Variants in SLC6A20 observed in about 807,000 individuals in gnomAD.
The protein encoded by SLC6A20 is sodium- and chloride-dependent transporter XTRP3.
In SLC6A20, 73 loss-of-function variants were observed where a neutral mutation model predicts 64.3. The observed-to-expected ratio is 1.14, with a 90% CI of 0.94 to 1.38. SLC6A20 has a LOEUF of 1.38. Among genes scored for constraint, SLC6A20 ranks in the 40% most tolerant of loss-of-function variants. SLC6A20 has a pLI of 0.00. For synonymous variants in SLC6A20, 347 were observed against 329.6 expected, an observed-to-expected ratio of 1.05 and a Z score of -0.57; for missense variants, 725 against 772.8, an observed-to-expected ratio of 0.94 and a Z score of 0.73.
Position 45,758,828 on chromosome 3 carries a change from T to G in SLC6A20, c.*150A>C. The G allele has an allele frequency of 7.3e-7, 1 of 1,362,150 alleles. No individual in the cohort carries two copies. Among genetic ancestry groups the G allele is most frequent in the Non-Finnish European group, 9.5e-7 (1 of 1,054,308 alleles). The allele number at this position is 1,362,150 out of a possible 1,614,324, so 84.4% of individuals were successfully genotyped here. A position where few individuals can be genotyped will look rare whatever the true frequency, so the allele number is the denominator to read the frequency against. ...AGGGTGTGCGTTCTCCCAAGGGAGT[T>G]TTCTTCCTGCACACCTTCCTCATCT... On this transcript the variant is annotated 3_prime_UTR_variant, in exon 11 of 11. Coordinates refer to ENST00000358525, the MANE Select transcript of SLC6A20 (RefSeq NM_020208.4).
chr3:45,760,684 C>T (rs899919391), intron 9 of SLC6A20, among the ~76,000 whole-genome samples: 3 of 152,228 alleles, frequency 2.0e-5, no homozygotes, highest in Admixed American at 6.5e-5. Flanking sequence ...TTTAAACCTA[C>T]GGTTAGCAGC....
At position 45,759,870 on chromosome 3, in the gene SLC6A20, C is replaced by T. The variant is rs1261693109; in HGVS notation, c.1616G>A (p.Trp539Ter). The T allele has an allele frequency of 6.2e-7, 1 of 1,613,648 alleles. No individual in the cohort carries two copies. Among genetic ancestry groups the T allele is most frequent in the Non-Finnish European group, 8.5e-7 (1 of 1,179,762 alleles). ...ILTGTLKYQAWDASQGQLVTK... is the reference protein window; with the variant it reads ...ILTGTLKYQA ...GACAGTAGATACCTGGGAGGCGTCC[C>T]AGGCTTGATACTTCAGGGTCCCCGT... is the stretch of plus-strand genomic sequence containing the variant. Residue 539 changes from tryptophan (W) to a stop codon, truncating the protein, a stop_gained, in exon 10 of 11, where the codon TGG (tryptophan) becomes TAG (stop). Coordinates refer to ENST00000358525, the MANE Select transcript of SLC6A20 (RefSeq NM_020208.4). LOFTEE classifies it low-confidence loss of function (END_TRUNC).
At chr3:45,777,309 C>T (rs570587213) in intron 3 of SLC6A20, among the ~76,000 whole-genome samples, 8 of 151,532 alleles carry the variant, frequency 5.3e-5, no homozygotes, top group South Asian at 2.1e-4. Flanking sequence ...AGGACCTCCA[C>T]GCCCACCCCT....
intron 1 of SLC6A20, among the ~76,000 whole-genome samples, chr3:45,787,393 G>C (rs1034641960): frequency 5.3e-5 from 8 of 152,040 alleles, no homozygotes; most frequent in Non-Finnish European, 1.2e-4. Flanking sequence ...TTGCCATCTT[G>C]GACTCCTTAC....
At chr3:45,759,306 G>A (rs1699619781) in intron 10 of SLC6A20, among the ~76,000 whole-genome samples, 179 bp from the exon 11 acceptor site, 1 of 152,208 alleles carries the variant, frequency 6.6e-6, no homozygotes, top group South Asian at 2.1e-4. Context: ...GAGCCTAACT[G>A]CCCTCACCTT....
At chr3:45,777,659 G>A (rs1485115489) in intron 3 of SLC6A20, among the ~76,000 whole-genome samples, 1 of 152,222 alleles carries the variant, frequency 6.6e-6, no homozygotes, top group Admixed American at 6.5e-5. Flanking sequence ...GAGGCACGTG[G>A]AGGGAACTGA....
chr3:45,762,198 G>A (rs957325795), intron 9 of SLC6A20, among the ~76,000 whole-genome samples: 10 of 152,360 alleles, frequency 6.6e-5, no homozygotes, highest in East Asian at 1.9e-4. Context: ...TGCTGCTCCC[G>A]CTCTAGGGAC....
intron 9 of SLC6A20, among the ~76,000 whole-genome samples, chr3:45,762,577 C>T (rs2286489): frequency 0.57 from 86,277 of 152,176 alleles, 25,575 homozygotes; most frequent in Middle Eastern, 0.78. Flanking sequence ...TTGGAAAATA[C>T]TGATGTTGGC....
At chr3:45,769,020 A>T (rs1020283124) in intron 7 of SLC6A20, among the ~76,000 whole-genome samples, 4 of 152,230 alleles carry the variant, frequency 2.6e-5, no homozygotes, top group Admixed American at 2.0e-4. Flanking sequence ...GCAAATCTAT[A>T]CATAAATATG....
chr3:45,789,159 C>A (rs1471468426), intron 1 of SLC6A20, among the ~76,000 whole-genome samples: 1 of 152,112 alleles, frequency 6.6e-6, no homozygotes, highest in Non-Finnish European at 1.5e-5. Context: ...CAACAGATGA[C>A]ATTTCATTCT....
chr3:45,774,926 T>C (rs1273412097), intron 4 of SLC6A20, among the ~76,000 whole-genome samples: 1 of 152,118 alleles, frequency 6.6e-6, no homozygotes, highest in Admixed American at 6.5e-5. Context: ...AAATCTACCA[T>C]GAAAGGCTGT....
chr3:45,767,533 TA>T (rs1699796586), intron 7 of SLC6A20, among the ~76,000 whole-genome samples: 1 of 151,154 alleles, frequency 6.6e-6, no homozygotes, highest in Non-Finnish European at 1.5e-5. Flanking sequence ...ATGGGAAAAA[TA>T]AAAGAGAGGT....
At position 45,762,895 on chromosome 3, in the gene SLC6A20, G is replaced by A. The variant is rs1186531680; in HGVS notation, c.1463+18C>T. 8 of 1,612,906 alleles carry A rather than the reference G, an allele frequency of 5.0e-6. No homozygotes were observed. In the African/African-American group the frequency reaches 9.3e-5, roughly 19 times the overall value. ...GCTGTGTTTTCCCTATGCAAATGAG[G>A]GTCCTGGGCCTCCTCACCTCCTCAG... On this transcript the variant is annotated intron_variant, in intron 9 of 10. Transcript: ENST00000358525.
chr3:45,792,639 G>C (rs1700274836), intron 1 of SLC6A20, among the ~76,000 whole-genome samples: 1 of 152,174 alleles, frequency 6.6e-6, no homozygotes, highest in Non-Finnish European at 1.5e-5. Context: ...GACCTGCTGT[G>C]AATCAGTCCC....
chr3:45,775,218 G>A lies in SLC6A20; in HGVS notation c.582+543C>T, dbSNP rs377151323. Reference sequence around the variant, plus strand: ...GTGATTGGAAGCAGCTTAGAACAAAGGGTCTCAAACTCAGCTGCAAATTAG... The same window carrying A: ...GTGATTGGAAGCAGCTTAGAACAAAAGGTCTCAAACTCAGCTGCAAATTAG... On this transcript the variant is annotated intron_variant, in intron 4 of 10. Transcript: ENST00000358525. 3.0e-4 allele frequency among the ~76,000 whole-genome samples: 45 copies of A among 152,254 alleles called. 1 individual carries two copies. The East Asian group carries it at 7.2e-3, about 24-fold the overall frequency.
chr3:45,772,173 GC>G, intron 5 of SLC6A20: 1 of 273,540 alleles, frequency 3.7e-6, no homozygotes, highest in East Asian at 1.0e-4. Context: ...CCAGAGTGGT[GC>G]TCATGGCAAA....
intron 8 of SLC6A20, among the ~76,000 whole-genome samples, chr3:45,764,587 A>G (rs1699741931): frequency 6.6e-6 from 1 of 152,030 alleles, no homozygotes; most frequent in African/African-American, 2.4e-5. Context: ...CTATAATCCC[A>G]GCTACTCAGG....
chr3:45,765,441 G>A lies in SLC6A20; in HGVS notation c.1303+96C>T, dbSNP rs1699758116. 4 of 1,407,010 alleles carry A rather than the reference G, an allele frequency of 2.8e-6. No homozygotes were observed. The East Asian group carries it at 1.0e-4, about 35-fold the overall frequency. 87.2% of individuals were successfully genotyped at this position (1,407,010 alleles called of 1,614,324 possible). ...TGGCTGCAACCCCCTGTAGCCACCT[G>A]AACCAGCCCATGACCCCTGAGGGAG... On this transcript the variant is annotated intron_variant, in intron 8 of 10. Coordinates refer to ENST00000358525, the MANE Select transcript of SLC6A20 (RefSeq NM_020208.4). The surrounding 1 kb of genome is among the most constrained non-coding windows in gnomAD (Gnocchi z 4.2).
intron 2 of SLC6A20, among the ~76,000 whole-genome samples, chr3:45,781,222 A>AAC (rs1700080231): frequency 6.7e-6 from 1 of 148,366 alleles, no homozygotes; most frequent in Admixed American, 6.7e-5. Flanking sequence ...CTCCGCCTCA[A>AAC]AAAAAAAAAA....
Sources: allele counts gnomAD v4.1 joint callset (sites outside exome capture counted in the v4.1 genomes callset), GRCh38; gene constraint gnomAD v4.1.1; non-coding constraint Gnocchi (gnomAD v3.1); transcripts MANE v1.5; gene names NCBI Gene and HGNC (gene_info 2026-07-23, HGNC 2026-07-21).